THBS3: variants seen among roughly 807,000 people sequenced by gnomAD.
The protein encoded by THBS3 is thrombospondin-3.
A neutral mutation model predicts 118.3 loss-of-function variants in THBS3; 78 were observed. That is an observed-to-expected ratio of 0.66 (90% confidence interval 0.55 to 0.80). The LOEUF is 0.80. THBS3 is among the 30% of genes least tolerant of loss of function. The pLI is 0.00. For synonymous variants in THBS3, 427 were observed against 475.3 expected (o/e 0.90, Z 1.32); for missense variants, 1,057 against 1,247.4 (o/e 0.85, Z 2.30).
In THBS3 at chr1:155,206,398, G is replaced by A. The variant is rs1670544467; in HGVS notation, c.88C>T (p.Leu30=). ...TGCCGAGACTCGCCCACAGTCAGCA[G>A]GTCAATTACTGGTCAGGCAGGGGTT... ...SASQDLQVID[L]LTVGESRQMV... Residue 30 remains leucine (L), a synonymous_variant, in exon 2 of 23, where the codon CTG becomes TTG. Transcript: ENST00000368378. The surrounding 1 kb of genome is among the most constrained non-coding windows in gnomAD (Gnocchi z 4.2). 2 of 1,614,020 alleles carry A rather than the reference G, an allele frequency of 1.2e-6. No individual in the cohort carries two copies. The highest frequency in any genetic ancestry group is 1.7e-6 in the Non-Finnish European group (2 of 1,179,992).
intron 12 of THBS3, 30 bp downstream of exon 12, chr1:155,201,064 T>C (rs1289762016): frequency 6.2e-7 from 1 of 1,614,190 alleles, no homozygotes; most frequent in Non-Finnish European, 8.5e-7. Flanking sequence ...GGCTCCCCAC[T>C]ACGCCCCCTT....
rs1191880209 is a variant in THBS3, at chr1:155,201,180, C to T, written c.1354G>A (p.Gly452Arg). The change falls in exon 12 of 23, where the codon GGG (glycine) becomes AGG (arginine). Residue 452 changes from glycine to arginine, a missense_variant. This residue lies in a region of THBS3 where 544 missense variants were observed against 715.6 expected (regional missense o/e 0.76). Coordinates refer to ENST00000368378, the MANE Select transcript of THBS3 (RefSeq NM_007112.5). ...CQCNVGWAGN[G>R]NVCGTDTDID... ...TCTGTGTCAGTCCCACACACGTTCC[C>T]ATTCCCAGCCCAGCCCACGTTACAC... 1.2e-6 allele frequency: 2 copies of T among 1,614,052 alleles called. No homozygotes were observed. Among genetic ancestry groups the T allele is most frequent in the Admixed American group, 3.3e-5 (2 of 60,006 alleles).
At chr1:155,200,297 T>A in intron 14 of THBS3, 154 bp downstream of exon 14, 1 of 1,047,420 alleles carries the variant, frequency 9.5e-7, no homozygotes, top group Non-Finnish European at 1.4e-6. Context: ...ACATTCCTAT[T>A]GACATCTGCT....
In THBS3 at chr1:155,199,696, A is replaced by C; in HGVS notation, c.1880+108T>G. On this transcript the variant is annotated intron_variant, in intron 16 of 22. Transcript: ENST00000368378. ...CTTGACCCTGGGAGACGGAGGTTGC[A>C]GTGAGCCAAGATCGTGCCACTGTAC... 3 of 1,165,016 alleles carry C rather than the reference A, an allele frequency of 2.6e-6. 1 individual carries two copies. Among genetic ancestry groups the C allele is most frequent in the Non-Finnish European group, 3.7e-6 (3 of 802,476 alleles). 72.2% of individuals were successfully genotyped at this position (1,165,016 alleles called of 1,614,324 possible). A position where few individuals can be genotyped will look rare whatever the true frequency, so the allele number is the denominator to read the frequency against.
upstream of THBS3, chr1:155,209,137 G>T (rs987304592): frequency 3.9e-6 from 6 of 1,539,860 alleles, no homozygotes; most frequent in Non-Finnish European, 5.3e-6. Flanking sequence ...CCTCCCCGGG[G>T]ATCTCCCCAG....
chr1:155,208,362 A>G (rs1233570397), upstream of THBS3, among the ~76,000 whole-genome samples: 1 of 152,216 alleles, frequency 6.6e-6, no homozygotes, highest in Non-Finnish European at 1.5e-5. Context: ...TGGCGGAGCA[A>G]GTGCTCTTTA....
In THBS3 at chr1:155,198,614, A is replaced by G; in HGVS notation, c.1881-12T>C. 2 of 1,612,578 alleles carry G rather than the reference A, an allele frequency of 1.2e-6. No individual in the cohort carries two copies. The highest frequency in any genetic ancestry group is 1.7e-6 in the Non-Finnish European group (2 of 1,178,816). On this transcript the variant is annotated splice_polypyrimidine_tract_variant and intron_variant, in intron 16 of 22. Coordinates refer to ENST00000368378, the MANE Select transcript of THBS3 (RefSeq NM_007112.5). Reference sequence around the variant, plus strand: ...GCCCATCCCCATCGCTAATCAGAAGAACAGGTACCAAATAAAGGATTTAAA... The same window carrying G: ...GCCCATCCCCATCGCTAATCAGAAGGACAGGTACCAAATAAAGGATTTAAA...
At chr1:155,207,626 A>G (rs1227448620) in intron 1 of THBS3, among the ~76,000 whole-genome samples, 172 bp downstream of exon 1, 2 of 151,208 alleles carry the variant, frequency 1.3e-5, no homozygotes, top group East Asian at 3.9e-4. Flanking sequence ...TCCGGTGCCC[A>G]CTCCTCTCCA....
chr1:155,196,815 G>A (rs975018986), intron 21 of THBS3: 2 of 563,210 alleles, frequency 3.6e-6, no homozygotes, highest in Admixed American at 3.1e-5. Flanking sequence ...CTGGAGAACT[G>A]TAAAGGGCAT....
Position 155,202,286 on chromosome 1 carries a change from A to G in THBS3, c.1073T>C (p.Ile358Thr), listed in dbSNP as rs1448113899. The change falls in exon 9 of 23, where the codon ATT (isoleucine) becomes ACT (threonine). Residue 358 changes from isoleucine to threonine, a missense_variant. Ile to Thr is a moderately conservative substitution (Grantham distance 89). This residue lies in a region of THBS3 where 544 missense variants were observed against 715.6 expected (regional missense o/e 0.76). Transcript: ENST00000368378. This position sits in a 1 kb window ranked among gnomAD's most constrained non-coding sequence, Gnocchi z 5.5. Reference sequence around the variant, plus strand: ...CTGTTTGCTGGCCCGGGCATAGTCAATGCCCACACCAGACACCTGTGTGCC... The same window carrying G: ...CTGTTTGCTGGCCCGGGCATAGTCAGTGCCCACACCAGACACCTGTGTGCC... The part of the protein sequence containing the change: ...YKGTQVSGVG[I>T]DYARASKQVC... 2.5e-6 allele frequency: 4 copies of G among 1,613,936 alleles called. No homozygotes were observed. In the African/African-American group the frequency reaches 4.0e-5, roughly 16 times the overall value.
At chr1:155,200,138 T>C (rs548448480) in intron 14 of THBS3, 25 bp from the exon 15 acceptor site, 2 of 1,513,818 alleles carry the variant, frequency 1.3e-6, no homozygotes, top group South Asian at 1.3e-5. Flanking sequence ...TAGCACAAGG[T>C]TGTTACTAGA....
At position 155,201,460 on chromosome 1, in the gene THBS3, T is replaced by C. The variant is rs1238955798; in HGVS notation, c.1286A>G (p.His429Arg). The C allele has an allele frequency of 3.1e-6, 5 of 1,613,406 alleles. No individual in the cohort carries two copies. Among genetic ancestry groups the C allele is most frequent in the South Asian group, 2.2e-5 (2 of 91,004 alleles). The stretch of plus-strand genomic sequence containing the variant: ...ATTGCGTTCAAAGAGACAGTGAGCA[T>C]GGATGTGGCAGGGGCTGTGGGCTGG... Reference protein sequence around the residue: ...HSPAHSPCHIHAHCLFERNGA... With the variant: ...HSPAHSPCHIRAHCLFERNGA... The change falls in exon 11 of 23, where the codon CAT becomes CGT. Residue 429 changes from histidine (H) to arginine (R), a missense_variant. Transcript: ENST00000368378.
chr1:155,198,826 G>C, intron 16 of THBS3: 1 of 545,486 alleles, frequency 1.8e-6, no homozygotes, highest in Admixed American at 3.3e-5. Flanking sequence ...AAGGAATTTA[G>C]AATATACTAT....
chr1:155,201,913 A>G (rs375786962), intron 10 of THBS3, 44 bp downstream of exon 10: 1 of 1,612,070 alleles, frequency 6.2e-7, no homozygotes, highest in Non-Finnish European at 8.5e-7. Flanking sequence ...TTGGGGTTTT[A>G]CCATTCCCAC....
Position 155,207,000 on chromosome 1 carries a change from T to A in THBS3, c.80-594A>T, listed in dbSNP as rs1470481064. ...AAACACAGAAACAGCACCCCACAAATTTGAGATGCCCCCACCAGGTGGCGC... is the reference window on the plus strand; with the variant it reads ...AAACACAGAAACAGCACCCCACAAAATTGAGATGCCCCCACCAGGTGGCGC... On this transcript the variant is annotated intron_variant, in intron 1 of 22. Transcript: ENST00000368378. The surrounding 1 kb of genome is among the most constrained non-coding windows in gnomAD (Gnocchi z 4.2). Among the ~76,000 whole-genome samples, 1 of 152,034 alleles carries A rather than the reference T, an allele frequency of 6.6e-6. No individual in the cohort carries two copies. Among genetic ancestry groups the A allele is most frequent in the Non-Finnish European group, 1.5e-5 (1 of 67,990 alleles).
upstream of THBS3, among the ~76,000 whole-genome samples, chr1:155,208,372 A>G (rs1670850680): frequency 6.6e-6 from 1 of 152,206 alleles, no homozygotes; most frequent in Non-Finnish European, 1.5e-5. Context: ...AGTGCTCTTT[A>G]TTAGGGTGGG....
rs764646942 is a variant in THBS3, at chr1:155,202,347, C to T, written c.1012G>A (p.Gly338Ser). ...PGSSCINTMP[G>S]FHCEACPRGY... ...CGAGGACAGGCCTCACAGTGGAAGC[C>T]GGGCATGGTGTTGATGCAGCTGGAG... The change falls in exon 9 of 23, where the codon GGC (glycine) becomes AGC (serine). Residue 338 changes from glycine (G) to serine (S), a missense_variant. Around this residue, in one of 3 missense-constraint regions of THBS3, gnomAD observed 544 missense variants for 715.6 expected, o/e 0.76. Coordinates refer to ENST00000368378, the MANE Select transcript of THBS3 (RefSeq NM_007112.5). The surrounding 1 kb of genome is among the most constrained non-coding windows in gnomAD (Gnocchi z 5.5). 5.6e-6 allele frequency: 9 copies of T among 1,614,080 alleles called. No homozygotes were observed. The highest frequency in any genetic ancestry group is 2.2e-5 in the South Asian group (2 of 91,088).
At position 155,206,392 on chromosome 1, in the gene THBS3, T is replaced by C; in HGVS notation, c.94A>G (p.Thr32Ala). The change falls in exon 2 of 23, where the codon ACT becomes GCT. Residue 32 changes from threonine to alanine, a missense_variant. This residue lies in a region of THBS3 where 206 missense variants were observed against 205.7 expected (regional missense o/e 1.00). Transcript: ENST00000368378. This position sits in a 1 kb window ranked among gnomAD's most constrained non-coding sequence, Gnocchi z 4.2. ...SQDLQVIDLL[T>A]VGESRQMVAV... ...ACCATCTGCCGAGACTCGCCCACAG[T>C]CAGCAGGTCAATTACTGGTCAGGCA... 21 of 1,614,050 alleles carry C rather than the reference T, an allele frequency of 1.3e-5. No homozygotes were observed. Among genetic ancestry groups the C allele is most frequent in the Non-Finnish European group, 1.8e-5 (21 of 1,179,988 alleles).
chr1:155,208,816 G>A (rs1381241583), upstream of THBS3: 1 of 1,561,400 alleles, frequency 6.4e-7, no homozygotes, highest in Non-Finnish European at 8.7e-7. Context: ...TGCTGCTCGG[G>A]GGACCCCCCC....
Sources: allele counts gnomAD v4.1 joint callset (sites outside exome capture counted in the v4.1 genomes callset), GRCh38; gene constraint gnomAD v4.1.1; regional missense constraint gnomAD v4.1.1; non-coding constraint Gnocchi (gnomAD v3.1); transcripts MANE v1.5; gene names NCBI Gene and HGNC (gene_info 2026-07-23, HGNC 2026-07-21).